ROBO2: variants seen among roughly 807,000 people sequenced by gnomAD.
The protein encoded by ROBO2 is roundabout guidance receptor 2, also known as roundabout homolog 2.
In ROBO2, 53 loss-of-function variants were observed where a neutral mutation model predicts 160.8. The ratio of observed to expected loss-of-function variants is 0.33; its 90% CI spans 0.26 to 0.41. The LOEUF is 0.41. Among genes scored for constraint, ROBO2 ranks in the 10% least tolerant of loss-of-function variants. The probability of loss-of-function intolerance (pLI) is 1.00; values close to 1 mark genes in which losing one functional copy is unlikely to be tolerated. For missense variants in ROBO2, 1,577 were observed against 1,722.4 expected (o/e 0.92, Z 1.49); for synonymous variants, 664 against 611.7 (o/e 1.09, Z -1.26).
chr3:76,969,101 A>T (rs7643047), intron 2 of ROBO2, among the ~76,000 whole-genome samples: 1 of 152,024 alleles, frequency 6.6e-6, no homozygotes, highest in Non-Finnish European at 1.5e-5. Flanking sequence ...TTAACTGTTT[A>T]TAAGCTGCAG....
chr3:77,564,934 A>C lies in ROBO2; in HGVS notation c.1683-20A>C. The stretch of plus-strand genomic sequence containing the variant: ...CTTCAAATGACTGTTCTTTAAATGA[A>C]ATTTCTGTTCGCGTTTCAGCCAATC... On this transcript the variant is annotated intron_variant, in intron 11 of 25. Transcript: ENST00000461745. 1 of 1,611,538 alleles carries C rather than the reference A, an allele frequency of 6.2e-7. No individual in the cohort carries two copies. The highest frequency in any genetic ancestry group is 1.7e-5 in the Admixed American group (1 of 59,556).
In ROBO2 at chr3:76,693,286, T is replaced by TA. The variant is rs1387782114; in HGVS notation, c.110-404728_110-404727insA. 2.0e-5 allele frequency among the ~76,000 whole-genome samples: 3 copies of TA among 150,480 alleles called. No individual in the cohort carries two copies. In the Admixed American group the frequency reaches 2.0e-4, roughly 10 times the overall value. ...CATGTCTCTCTCTCTATATATAGTGTGTATCTATATGTAGTGTGTGTATAT... is the reference window on the plus strand; with the variant it reads ...CATGTCTCTCTCTCTATATATAGTGTAGTATCTATATGTAGTGTGTGTATAT... On this transcript the variant is annotated intron_variant, in intron 2 of 26. Transcript: ENST00000487694.
chr3:76,884,486 G>T (rs553809896), intron 2 of ROBO2, among the ~76,000 whole-genome samples: 1 of 152,220 alleles, frequency 6.6e-6, no homozygotes, highest in South Asian at 2.1e-4. Context: ...GCAGAGAAAC[G>T]CAGCAGAGAA....
At position 76,805,387 on chromosome 3, in the gene ROBO2, A is replaced by G. The variant is rs182155438; in HGVS notation, c.110-292627A>G. 1.1e-4 allele frequency among the ~76,000 whole-genome samples: 16 copies of G among 152,050 alleles called. No homozygotes were observed. The East Asian group carries it at 3.1e-3, about 29-fold the overall frequency. ...TGAGTGCTTTCTTTCTATCATTTTG[A>G]ATATATCCTGCCACCAAAACATCTT... On this transcript the variant is annotated intron_variant, in intron 2 of 26. Coordinates refer to the ROBO2 transcript ENST00000487694.
chr3:76,552,068 G>A (rs769602484), intron 2 of ROBO2, among the ~76,000 whole-genome samples: 2 of 152,086 alleles, frequency 1.3e-5, no homozygotes, highest in African/African-American at 2.4e-5. Context: ...AACACCCCAC[G>A]GATCCTGTGA....
chr3:76,014,656 G>C (rs551475706), intron 2 of ROBO2, among the ~76,000 whole-genome samples: 1 of 152,312 alleles, frequency 6.6e-6, no homozygotes, highest in Non-Finnish European at 1.5e-5. Flanking sequence ...GACTGGGCAC[G>C]GTGGCTTATG....
intron 24 of ROBO2, among the ~76,000 whole-genome samples, 175 bp downstream of exon 26, chr3:77,643,118 G>A (rs1214658328): frequency 6.6e-6 from 1 of 152,172 alleles, no homozygotes; most frequent in Non-Finnish European, 1.5e-5. Flanking sequence ...TGATTCCAAC[G>A]GGCATTGCTC....
At chr3:77,038,476 A>AC (rs2149592515), upstream of ROBO2, among the ~76,000 whole-genome samples, 2 of 152,014 alleles carry the variant, frequency 1.3e-5, no homozygotes, top group South Asian at 2.1e-4. Context: ...TGCAAGGGAG[A>AC]CCTAAGTTAA....
At chr3:77,522,966 G>C in intron 6 of ROBO2, 64 bp downstream of exon 6, 1 of 1,573,428 alleles carries the variant, frequency 6.4e-7, no homozygotes, top group Non-Finnish European at 8.7e-7. Flanking sequence ...AAATTGGTAA[G>C]TGAACTTACG....
chr3:77,238,000 A>G (rs2088343089), intron 2 of ROBO2, among the ~76,000 whole-genome samples: 1 of 152,190 alleles, frequency 6.6e-6, no homozygotes, highest in African/African-American at 2.4e-5. Context: ...GATATGGAGC[A>G]TCTTTTCATA....
intron 2 of ROBO2, among the ~76,000 whole-genome samples, chr3:76,534,796 A>G (rs1484953116): frequency 6.6e-6 from 1 of 152,116 alleles, no homozygotes; most frequent in Non-Finnish European, 1.5e-5. Context: ...CCTGATGCGT[A>G]GGAAAGCAAG....
chr3:76,934,143 T>C (rs981763411), intron 2 of ROBO2, among the ~76,000 whole-genome samples: 2 of 151,984 alleles, frequency 1.3e-5, no homozygotes, highest in African/African-American at 2.4e-5. Context: ...CTGACACAAA[T>C]TGCTTTCTCA....
intron 2 of ROBO2, among the ~76,000 whole-genome samples, chr3:76,277,531 G>A (rs528503567): frequency 1.3e-3 from 204 of 151,950 alleles, no homozygotes; most frequent in African/African-American, 4.7e-3. Flanking sequence ...TCAGCTTTTG[G>A]TATAAAATGA....
chr3:77,073,537 C>T (rs1195088036), intron 1 of ROBO2, among the ~76,000 whole-genome samples: 1 of 152,120 alleles, frequency 6.6e-6, no homozygotes, highest in African/African-American at 2.4e-5. Context: ...AGGAAGGGCT[C>T]TCATTTTTCA....
At chr3:76,133,924 C>T (rs755361027) in intron 2 of ROBO2, among the ~76,000 whole-genome samples, 1 of 151,982 alleles carries the variant, frequency 6.6e-6, no homozygotes, top group Non-Finnish European at 1.5e-5. Flanking sequence ...CACTACTTTG[C>T]ATCCTTCAGT....
chr3:77,530,558 A>G (rs1327831053), intron 6 of ROBO2, among the ~76,000 whole-genome samples: 1 of 152,030 alleles, frequency 6.6e-6, no homozygotes, highest in African/African-American at 2.4e-5. Context: ...GGGAGGTATT[A>G]CTGAAAGCGG....
intron 2 of ROBO2, chr3:76,434,317 C>T: frequency 8.9e-7 from 1 of 1,125,140 alleles, no homozygotes; most frequent in South Asian, 1.2e-5. Context: ...TTGTTGGCAC[C>T]CATCTCAGAG....
At chr3:76,580,187 A>G (rs1353242925) in intron 2 of ROBO2, among the ~76,000 whole-genome samples, 2 of 152,078 alleles carry the variant, frequency 1.3e-5, no homozygotes, top group Non-Finnish European at 2.9e-5. Context: ...AGTACTGAGT[A>G]TAGGTTTATT....
exon 26 of ROBO2, chr3:77,649,898 T>C (rs767487692): frequency 3.3e-5 from 5 of 152,148 alleles, no homozygotes; most frequent in Non-Finnish European, 5.9e-5. Context: ...AATCGGTTAA[T>C]AGTATTGTCA....
Sources: allele counts gnomAD v4.1 joint callset (sites outside exome capture counted in the v4.1 genomes callset), GRCh38; gene constraint gnomAD v4.1.1; transcripts MANE v1.5; gene names NCBI Gene and HGNC (gene_info 2026-07-23, HGNC 2026-07-21).